The following CEP63 variants were observed in gnomAD, a reference collection of about 807,000 sequenced individuals.
CEP63 encodes the protein centrosomal protein of 63 kDa.
Under a neutral mutation model 89.1 loss-of-function variants are expected in CEP63, and 84 were observed. That is an observed-to-expected ratio of 0.94 (90% CI 0.79 to 1.13). The LOEUF (loss-of-function observed/expected upper bound fraction) is 1.13, where lower values mean the gene tolerates loss of function less well. Ranked by LOEUF, CEP63 falls within the 50% of genes most tolerant of loss-of-function variation. The pLI, the probability that CEP63 is intolerant of heterozygous loss-of-function variation, is 0.00. For synonymous variants in CEP63, 267 were observed against 272.5 expected, an observed-to-expected ratio of 0.98 and a Z score of 0.20; for missense variants, 838 against 813.3, an observed-to-expected ratio of 1.03 and a Z score of -0.37.
chr3:134,726,341 G>A, the CEP63 span, among the ~76,000 whole-genome samples: 3 of 152,106 alleles, frequency 2.0e-5, no homozygotes, highest in Non-Finnish European at 2.9e-5. Flanking sequence ...GCTTTGGGTC[G>A]GGCTTGACAT....
At chr3:134,663,287 C>T in the CEP63 span, among the ~76,000 whole-genome samples, 12 of 152,184 alleles carry the variant, frequency 7.9e-5, no homozygotes, top group Admixed American at 2.6e-4. Context: ...GATTGACAGT[C>T]GCTGTCCCAT....
chr3:134,655,239 G>A, the CEP63 span, among the ~76,000 whole-genome samples: 1 of 152,240 alleles, frequency 6.6e-6, no homozygotes, highest in African/African-American at 2.4e-5. Context: ...TGGAGATGGA[G>A]TATAGAAGGA....
the CEP63 span, among the ~76,000 whole-genome samples, chr3:134,602,682 G>A: frequency 2.6e-5 from 4 of 152,168 alleles, no homozygotes; most frequent in South Asian, 2.1e-4. Flanking sequence ...CTGTGGAGGT[G>A]GGGCAGGGGC....
intron 6 of CEP63, among the ~76,000 whole-genome samples, chr3:134,542,539 T>C (rs1952263055): frequency 6.6e-6 from 1 of 152,192 alleles, no homozygotes; most frequent in African/African-American, 2.4e-5. Flanking sequence ...TGGTAAGGGA[T>C]TGATGCTTAC....
the CEP63 span, chr3:134,627,751 C>T: frequency 1.2e-6 from 2 of 1,613,422 alleles, no homozygotes; most frequent in African/African-American, 2.7e-5. Context: ...GACTCTGGAA[C>T]TTACCATGGG....
intron 10 of CEP63, among the ~76,000 whole-genome samples, chr3:134,581,940 G>A (rs929351868): frequency 3.9e-5 from 6 of 151,946 alleles, no homozygotes; most frequent in African/African-American, 1.2e-4. Context: ...CTCCCAAAGT[G>A]CTGGGATTAC....
the CEP63 span, among the ~76,000 whole-genome samples, chr3:134,653,854 A>G: frequency 1.3e-5 from 2 of 152,242 alleles, no homozygotes; most frequent in Middle Eastern, 3.4e-3. Context: ...AACAGAAACC[A>G]TGTCCTCTAC....
intron 2 of CEP63, among the ~76,000 whole-genome samples, chr3:134,506,167 T>C (rs1164462542): frequency 2.6e-5 from 4 of 152,204 alleles, no homozygotes; most frequent in Non-Finnish European, 5.9e-5. Context: ...GGAAACCTCT[T>C]TGAATCTAAT....
At chr3:134,673,644 G>T in the CEP63 span, among the ~76,000 whole-genome samples, 1 of 152,106 alleles carries the variant, frequency 6.6e-6, no homozygotes, top group South Asian at 2.1e-4. Flanking sequence ...ACCCTGGATT[G>T]TCTCATCTCC....
At chr3:134,508,080 T>C (rs1053456318) in intron 3 of CEP63, among the ~76,000 whole-genome samples, 3 of 152,220 alleles carry the variant, frequency 2.0e-5, no homozygotes, top group African/African-American at 7.2e-5. Context: ...CATCAGCTTA[T>C]TCAGGTACAC....
At chr3:134,610,492 T>A in the CEP63 span, 12 of 912,928 alleles carry the variant, frequency 1.3e-5, no homozygotes, top group South Asian at 2.0e-4. Context: ...GTCCTCCCTG[T>A]CTATCCTTTT....
At chr3:134,580,956 A>G (rs1958331547) in intron 10 of CEP63, among the ~76,000 whole-genome samples, 1 of 152,218 alleles carries the variant, frequency 6.6e-6, no homozygotes, top group African/African-American at 2.4e-5. Flanking sequence ...GTCTCATGTA[A>G]TCACAGGGAC....
intron 3 of CEP63, among the ~76,000 whole-genome samples, chr3:134,515,058 G>A (rs1393877441): frequency 6.6e-6 from 1 of 152,092 alleles, no homozygotes; most frequent in East Asian, 1.9e-4. Flanking sequence ...GTAAAATTAT[G>A]GTGGCAATGG....
the CEP63 span, among the ~76,000 whole-genome samples, chr3:134,775,316 G>T: frequency 6.6e-6 from 1 of 152,142 alleles, no homozygotes; most frequent in Non-Finnish European, 1.5e-5. Context: ...CTGGAGCCTC[G>T]CTTCAGCCCA....
chr3:134,769,318 G>A, the CEP63 span, among the ~76,000 whole-genome samples: 1 of 152,144 alleles, frequency 6.6e-6, no homozygotes, highest in African/African-American at 2.4e-5. Context: ...AGGCAGAATT[G>A]TGTTTAAACA....
chr3:134,562,195 G>A lies in CEP63; in HGVS notation c.*660G>A. The A allele has an allele frequency of 1.0e-6, 1 of 986,264 alleles. No homozygotes were observed. The highest frequency in any genetic ancestry group is 1.2e-6 in the Non-Finnish European group (1 of 830,436). 61.1% of individuals were successfully genotyped at this position (986,264 alleles called of 1,614,324 possible). ...CATGGAATATCCATTGGAAATAAAT[G>A]TTCATCGTCTGCACTGCTGAGGACA... On this transcript the variant is annotated 3_prime_UTR_variant, in exon 15 of 15. Coordinates refer to ENST00000675561, the MANE Select transcript of CEP63 (RefSeq NM_001353108.3).
chr3:134,586,995 G>A (rs1470754248), intron 10 of CEP63, among the ~76,000 whole-genome samples: 1 of 152,042 alleles, frequency 6.6e-6, no homozygotes, highest in African/African-American at 2.4e-5. Flanking sequence ...GCTATTGAAG[G>A]TTGTGCATGC....
chr3:134,564,250 A>T lies in CEP63; in HGVS notation c.*2715A>T. On this transcript the variant is annotated 3_prime_UTR_variant, in exon 15 of 15. Transcript: ENST00000675561. Reference sequence around the variant, plus strand: ...CTCAGCTAGTTTGAACCAATGGAAAATGCCATTCCTGAGGTGCACCACATC... The same window carrying T: ...CTCAGCTAGTTTGAACCAATGGAAATTGCCATTCCTGAGGTGCACCACATC... 1.0e-6 allele frequency: 1 copy of T among 985,390 alleles called. No homozygotes were observed. The highest frequency in any genetic ancestry group is 4.7e-5 in the South Asian group (1 of 21,284). 61.0% of individuals were successfully genotyped at this position (985,390 alleles called of 1,614,324 possible). A position where few individuals can be genotyped will look rare whatever the true frequency, so the allele number is the denominator to read the frequency against.
intron 11 of CEP63, among the ~76,000 whole-genome samples, chr3:134,551,094 T>G (rs1475339287): frequency 6.6e-6 from 1 of 152,142 alleles, no homozygotes; most frequent in Non-Finnish European, 1.5e-5. Context: ...TGAATTTGTG[T>G]GAAAAGTACA....
Sources: allele counts gnomAD v4.1 joint callset (sites outside exome capture counted in the v4.1 genomes callset), GRCh38; gene constraint gnomAD v4.1.1; transcripts MANE v1.5; gene names NCBI Gene and HGNC (gene_info 2026-07-23, HGNC 2026-07-21).